Variants in SAP130 observed in about 807,000 individuals in gnomAD.
SAP130 encodes the protein histone deacetylase complex subunit SAP130.
A neutral mutation model predicts 103.2 loss-of-function variants in SAP130; 16 were observed. The ratio of observed to expected loss-of-function variants is 0.16; its 90% CI spans 0.10 to 0.24. The LOEUF is 0.24. Among genes scored for constraint, SAP130 ranks in the 10% least tolerant of loss-of-function variants. SAP130 has a pLI of 1.00. For missense variants in SAP130, 990 were observed against 1,359.7 expected (o/e 0.73, Z 4.28); for synonymous variants, 477 against 497.0 (o/e 0.96, Z 0.53).
At chr2:127,969,342 C>T (rs2104860033) in intron 15 of SAP130, among the ~76,000 whole-genome samples, 1 of 152,200 alleles carries the variant, frequency 6.6e-6, no homozygotes, top group East Asian at 1.9e-4. Context: ...TCATAAAATT[C>T]CTGATAATGT....
At chr2:128,014,769 T>C in intron 5 of SAP130, 34 bp downstream of exon 5, 1 of 1,450,066 alleles carries the variant, frequency 6.9e-7, no homozygotes, top group Non-Finnish European at 9.7e-7. Context: ...ACTACTACAT[T>C]TTGAGAGTTT....
intron 15 of SAP130, among the ~76,000 whole-genome samples, chr2:127,962,272 T>A (rs1680309059): frequency 1.3e-5 from 2 of 152,208 alleles, no homozygotes; most frequent in Non-Finnish European, 2.9e-5. Flanking sequence ...ATATAAAGCA[T>A]CATTCCACAT....
intron 14 of SAP130, among the ~76,000 whole-genome samples, chr2:127,984,869 A>T (rs1682260048): frequency 6.6e-6 from 1 of 152,236 alleles, no homozygotes; most frequent in South Asian, 2.1e-4. Context: ...ATAGGTAGAA[A>T]ATGGGATTCT....
chr2:127,980,424 G>A (rs763943281), intron 14 of SAP130, among the ~76,000 whole-genome samples: 1 of 152,124 alleles, frequency 6.6e-6, no homozygotes, highest in African/African-American at 2.4e-5. Context: ...TACTCCTGGT[G>A]AGAGTGTAAA....
chr2:128,007,649 A>G (rs1317404719), intron 7 of SAP130, among the ~76,000 whole-genome samples: 2 of 152,242 alleles, frequency 1.3e-5, no homozygotes, highest in Non-Finnish European at 2.9e-5. Flanking sequence ...TTTATTGAAG[A>G]GAGAACAAAG....
Position 127,950,106 on chromosome 2 carries a change from G to A in SAP130, c.2671+54C>T, listed in dbSNP as rs940806211. The stretch of plus-strand genomic sequence containing the variant: ...TGACTATGTAACGAGCCTCTGGGTT[G>A]GACTCTGACTTTATTGGGAAGCATC... On this transcript the variant is annotated intron_variant, in intron 17 of 20. Coordinates refer to ENST00000643581, the MANE Select transcript of SAP130 (RefSeq NM_001330301.2). 24 of 1,610,700 alleles carry A rather than the reference G, an allele frequency of 1.5e-5. No homozygotes were observed. In the African/African-American group the frequency reaches 2.9e-4, roughly 20 times the overall value.
rs1404472118 is a variant in SAP130 at position 127,989,326 on chromosome 2, T to C, written c.1780+238A>G. ...GTTAGCCTGGATAGTCTTGATCTCC[T>C]GACCTCGTGATCCACCCGCCTCAGC... On this transcript the variant is annotated intron_variant, in intron 13 of 20. Coordinates refer to ENST00000643581, the MANE Select transcript of SAP130 (RefSeq NM_001330301.2). The surrounding 1 kb of genome is among the most constrained non-coding windows in gnomAD (Gnocchi z 4.6). 6.6e-6 allele frequency among the ~76,000 whole-genome samples: 1 copy of C among 152,040 alleles called. No homozygotes were observed. The highest frequency in any genetic ancestry group is 1.5e-5 in the Non-Finnish European group (1 of 67,992).
At position 127,953,018 on chromosome 2, in the gene SAP130, T is replaced by G. The variant is rs536007859; in HGVS notation, c.2422+1968A>C. 6.6e-6 allele frequency among the ~76,000 whole-genome samples: 1 copy of G among 152,334 alleles called. No homozygotes were observed. Among genetic ancestry groups the G allele is most frequent in the East Asian group, 1.9e-4 (1 of 5,190 alleles). ...TTGTATCTGCAACTTCATTTTCTATTCCAAAAGCCAGCCTCATAGATCCAA... is the reference window on the plus strand; with the variant it reads ...TTGTATCTGCAACTTCATTTTCTATGCCAAAAGCCAGCCTCATAGATCCAA... On this transcript the variant is annotated intron_variant, in intron 16 of 20. Coordinates refer to ENST00000643581, the MANE Select transcript of SAP130 (RefSeq NM_001330301.2). The surrounding 1 kb of genome is among the most constrained non-coding windows in gnomAD (Gnocchi z 4.0).
chr2:127,996,403 G>C lies in SAP130; in HGVS notation c.1302C>G (p.Ser434=), dbSNP rs376086469. The change falls in exon 11 of 21, where the codon TCC becomes TCG. Residue 434 remains serine, a synonymous_variant. Transcript: ENST00000643581. The surrounding 1 kb of genome is among the most constrained non-coding windows in gnomAD (Gnocchi z 4.3). ...PAERSSLIPI[S]GHRASPNPVA... ...CAGGATTGGGAGAGGCCCGATGTCC[G>C]GAGATGGGAATCAGGCTACTCCTCT... is the stretch of plus-strand genomic sequence containing the variant. 4 of 1,610,904 alleles carry C rather than the reference G, an allele frequency of 2.5e-6. No homozygotes were observed. The South Asian group carries it at 4.4e-5, about 18-fold the overall frequency.
At chr2:128,003,331 G>A (rs778645720) in intron 7 of SAP130, among the ~76,000 whole-genome samples, 1 of 151,602 alleles carries the variant, frequency 6.6e-6, no homozygotes, top group Non-Finnish European at 1.5e-5. Flanking sequence ...ACATGGCAAG[G>A]CCCAGTCTCT....
At chr2:128,010,200 G>T in intron 7 of SAP130, 69 bp downstream of exon 7, 1 of 1,500,164 alleles carries the variant, frequency 6.7e-7, no homozygotes, top group Non-Finnish European at 9.0e-7. Flanking sequence ...TTAAATGAAG[G>T]AACGAAAGAA....
intron 2 of SAP130, among the ~76,000 whole-genome samples, chr2:128,023,636 C>T (rs1339354346): frequency 3.3e-5 from 5 of 151,998 alleles, no homozygotes; most frequent in East Asian, 1.9e-4. Context: ...AAAAATTAGC[C>T]GGGCACGGTG....
intron 2 of SAP130, among the ~76,000 whole-genome samples, chr2:128,024,118 G>A (rs182765971): frequency 2.0e-5 from 3 of 152,110 alleles, no homozygotes; most frequent in Non-Finnish European, 4.4e-5. Flanking sequence ...AGATACCATC[G>A]AGCAGGAGTC....
intron 16 of SAP130, among the ~76,000 whole-genome samples, chr2:127,951,930 T>C (rs1284639312): frequency 2.6e-5 from 4 of 152,138 alleles, no homozygotes; most frequent in African/African-American, 9.7e-5. Context: ...CAAGAACATG[T>C]TCATCAAGTC....
At chr2:127,968,078 C>T (rs1334032281) in intron 15 of SAP130, among the ~76,000 whole-genome samples, 2 of 151,024 alleles carry the variant, frequency 1.3e-5, no homozygotes, top group South Asian at 2.1e-4. Flanking sequence ...AAACTTTTGG[C>T]GTCTTCATAA....
chr2:128,026,687 A>T (rs1685519385), intron 1 of SAP130, among the ~76,000 whole-genome samples: 2 of 152,276 alleles, frequency 1.3e-5, no homozygotes, highest in Admixed American at 1.3e-4. Flanking sequence ...CAAGGTGAAC[A>T]GAACTGTGAT....
At position 127,955,336 on chromosome 2, in the gene SAP130, G is replaced by C; in HGVS notation, c.2072C>G (p.Pro691Arg). The change falls in exon 16 of 21, where the codon CCC (proline) becomes CGC (arginine). Residue 691 changes from proline to arginine, a missense_variant. Pro to Arg is a moderately radical substitution (Grantham distance 103, BLOSUM62 -2). Coordinates refer to ENST00000643581, the MANE Select transcript of SAP130 (RefSeq NM_001330301.2). The surrounding 1 kb of genome is among the most constrained non-coding windows in gnomAD (Gnocchi z 4.9). Reference protein sequence around the residue: ...SGSPRPAGAKPKSEIHVSMAT... With the variant: ...SGSPRPAGAKRKSEIHVSMAT... ...CATAGACACGTGGATTTCAGACTTG[G>C]GTTTGGCACTAAAACACAAAAGAAA... The C allele has an allele frequency of 6.4e-7, 1 of 1,553,902 alleles. No individual in the cohort carries two copies. Among genetic ancestry groups the C allele is most frequent in the Non-Finnish European group, 8.7e-7 (1 of 1,146,724 alleles).
In SAP130 at chr2:127,949,990, C is replaced by G. The variant is rs373829167; in HGVS notation, c.2676G>C (p.Glu892Asp). The G allele has an allele frequency of 6.2e-7, 1 of 1,613,932 alleles. No individual in the cohort carries two copies. Among genetic ancestry groups the G allele is most frequent in the Non-Finnish European group, 8.5e-7 (1 of 1,179,992 alleles). Reference protein sequence around the residue: ...RKSPPKEYIDEEGVRYVPVRP... With the variant: ...RKSPPKEYIDDEGVRYVPVRP... ...GCACTGGGACATATCTCACACCTTCCTCATCTGTTAAAGAGAAGACATTAA... is the reference window on the plus strand; with the variant it reads ...GCACTGGGACATATCTCACACCTTCGTCATCTGTTAAAGAGAAGACATTAA... The change falls in exon 18 of 21, where the codon GAG becomes GAC. Residue 892 changes from glutamate (E) to aspartate (D), a missense_variant. By Grantham distance (45) the Glu-to-Asp change is conservative (BLOSUM62 2). Transcript: ENST00000643581.
intron 15 of SAP130, 47 bp downstream of exon 15, chr2:127,977,938 C>A (rs965318193): frequency 7.3e-7 from 1 of 1,363,068 alleles, no homozygotes. Flanking sequence ...CCAACTGCAA[C>A]GATGTGTGGG....
Sources: allele counts gnomAD v4.1 joint callset (sites outside exome capture counted in the v4.1 genomes callset), GRCh38; gene constraint gnomAD v4.1.1; non-coding constraint Gnocchi (gnomAD v3.1); transcripts MANE v1.5; gene names NCBI Gene and HGNC (gene_info 2026-07-23, HGNC 2026-07-21).